The following PAM variants were observed in gnomAD, a reference collection of about 807,000 sequenced individuals.
PAM encodes peptidyl-glycine alpha-amidating monooxygenase.
In PAM, 72 loss-of-function variants were observed where a neutral mutation model predicts 122.1. The observed-to-expected ratio is 0.59, with a 90% confidence interval of 0.49 to 0.72. The LOEUF (loss-of-function observed/expected upper bound fraction) is 0.72, where lower values mean the gene tolerates loss of function less well. Among genes scored for constraint, PAM ranks in the 30% least tolerant of loss-of-function variants. PAM has a pLI of 0.00. For synonymous variants in PAM, 389 were observed against 404.4 expected (o/e 0.96, Z 0.46); for missense variants, 1,106 against 1,183.7 (o/e 0.93, Z 0.96).
chr5:103,011,778 C>A (rs1251515589), intron 21 of PAM, among the ~76,000 whole-genome samples: 1 of 152,112 alleles, frequency 6.6e-6, no homozygotes, highest in Non-Finnish European at 1.5e-5. Context: ...TGGCATATAA[C>A]CAGCAATGGG....
intron 3 of PAM, among the ~76,000 whole-genome samples, chr5:102,867,772 A>C (rs1319916152): frequency 6.6e-6 from 1 of 152,240 alleles, no homozygotes; most frequent in African/African-American, 2.4e-5. Flanking sequence ...TAGTTTGTTT[A>C]AATATCCTTT....
At chr5:102,803,146 A>AAAGAAAGGAAGGAAGG in intron 1 of PAM, among the ~76,000 whole-genome samples, 1 of 133,604 alleles carries the variant, frequency 7.5e-6, no homozygotes, top group Non-Finnish European at 1.6e-5. Flanking sequence ...AGAAAGAAAG[A>AAAGAAAGGAAGGAAGG]AAGGAAGGAA....
intron 14 of PAM, 47 bp downstream of exon 14, chr5:102,961,276 C>A (rs996855536): frequency 3.9e-6 from 4 of 1,025,664 alleles, no homozygotes; most frequent in Admixed American, 1.8e-5. Flanking sequence ...GTATCAATTT[C>A]CAAGTAGGCA....
intron 4 of PAM, among the ~76,000 whole-genome samples, chr5:102,906,759 G>A (rs1159907911): frequency 1.3e-5 from 2 of 151,714 alleles, no homozygotes; most frequent in African/African-American, 4.8e-5. Context: ...TGAGAATGAG[G>A]AGTGGATGTA....
intron 1 of PAM, among the ~76,000 whole-genome samples, chr5:102,809,363 A>G (rs1767195235): frequency 6.6e-6 from 1 of 151,834 alleles, no homozygotes; most frequent in Non-Finnish European, 1.5e-5. Context: ...AAAAAAAAAA[A>G]AAAAAAAAGA....
intron 13 of PAM, among the ~76,000 whole-genome samples, chr5:102,960,699 G>A (rs987870235): frequency 6.6e-6 from 1 of 151,786 alleles, no homozygotes; most frequent in African/African-American, 2.4e-5. Flanking sequence ...TGCAAGTTCA[G>A]TCTTAACACG....
chr5:102,924,423 A>C (rs1237366821), intron 5 of PAM, among the ~76,000 whole-genome samples: 1 of 149,438 alleles, frequency 6.7e-6, no homozygotes, highest in Non-Finnish European at 1.5e-5. Context: ...ACAAGAGTGA[A>C]ACTCCGTCTC....
At chr5:102,947,594 T>C (rs2151951533) in intron 8 of PAM, among the ~76,000 whole-genome samples, 2 of 152,244 alleles carry the variant, frequency 1.3e-5, no homozygotes, top group Admixed American at 1.3e-4. Flanking sequence ...GTTTGGGTGA[T>C]GGGTGCACCA....
chr5:102,949,665 T>TG lies in PAM; in HGVS notation c.724+50dup, dbSNP rs755937082. ...TATAAATATTTACCATTGTGCTTCC[T>TG]GGTGCCATAAATTAAAATGCAAATT... is the stretch of plus-strand genomic sequence containing the variant. On this transcript the variant is annotated intron_variant, in intron 10 of 25. Transcript: ENST00000438793. 3.9e-5 allele frequency: 37 copies of TG among 938,344 alleles called. No homozygotes were observed. In the African/African-American group the frequency reaches 5.8e-4, roughly 15 times the overall value. 58.1% of individuals were successfully genotyped at this position (938,344 alleles called of 1,614,324 possible).
chr5:102,810,934 G>A (rs768723255), intron 1 of PAM, among the ~76,000 whole-genome samples: 5 of 152,216 alleles, frequency 3.3e-5, no homozygotes, highest in African/African-American at 4.8e-5. Context: ...AGTGGTAGGA[G>A]AAGCTTGGGT....
chr5:102,994,430 C>T (rs1023053686), intron 16 of PAM, among the ~76,000 whole-genome samples: 1 of 152,168 alleles, frequency 6.6e-6, no homozygotes. Context: ...CTTATGCTGA[C>T]ATGATTTATT....
intron 14 of PAM, among the ~76,000 whole-genome samples, chr5:102,968,934 T>C (rs896649633): frequency 6.6e-6 from 1 of 152,172 alleles, no homozygotes; most frequent in Non-Finnish European, 1.5e-5. Flanking sequence ...TTCATGTCCT[T>C]TGCAGGGATA....
At chr5:102,782,609 T>G (rs1016905275) in intron 1 of PAM, among the ~76,000 whole-genome samples, 2 of 152,198 alleles carry the variant, frequency 1.3e-5, no homozygotes, top group Non-Finnish European at 2.9e-5. Context: ...TTTAGAGATA[T>G]TCCCAAAGTC....
rs767609720 is a variant in PAM at position 102,949,890 on chromosome 5, T to A, written c.725-12T>A. ...TATTATATTAAATGATTAAAATTTG[T>A]GTTTATTACAGGTAAGGTAGTAAGT... On this transcript the variant is annotated splice_polypyrimidine_tract_variant and intron_variant, in intron 10 of 25. Coordinates refer to ENST00000438793, the MANE Select transcript of PAM (RefSeq NM_001177306.2). The A allele has an allele frequency of 7.2e-7, 1 of 1,383,354 alleles. No individual in the cohort carries two copies. The highest frequency in any genetic ancestry group is 1.0e-6 in the Non-Finnish European group (1 of 976,316). The allele number at this position is 1,383,354 out of a possible 1,614,324, so 85.7% of individuals were successfully genotyped here. A position where few individuals can be genotyped will look rare whatever the true frequency, so the allele number is the denominator to read the frequency against.
chr5:102,924,629 C>T (rs1373295573), intron 5 of PAM, among the ~76,000 whole-genome samples: 3 of 151,686 alleles, frequency 2.0e-5, no homozygotes, highest in African/African-American at 7.3e-5. Flanking sequence ...TTATACAGAC[C>T]GTCTATGTAA....
intron 3 of PAM, among the ~76,000 whole-genome samples, chr5:102,881,406 A>T (rs1581262907): frequency 6.6e-6 from 1 of 152,094 alleles, no homozygotes; most frequent in Non-Finnish European, 1.5e-5. Flanking sequence ...GCAAAAATTC[A>T]AAAGAGCTAT....
chr5:102,861,504 A>C (rs1784182191), intron 1 of PAM, among the ~76,000 whole-genome samples: 1 of 150,748 alleles, frequency 6.6e-6, no homozygotes, highest in South Asian at 2.1e-4. Context: ...AGCTGAAGAC[A>C]GACTGAGAAA....
At chr5:102,867,418 A>T in intron 3 of PAM, 25 bp downstream of exon 3, 1 of 1,579,056 alleles carries the variant, frequency 6.3e-7, no homozygotes, top group East Asian at 2.2e-5. Flanking sequence ...GTCTTTCATT[A>T]TTCACTTGTT....
chr5:102,907,627 G>A (rs1799977906), intron 4 of PAM, among the ~76,000 whole-genome samples: 1 of 150,312 alleles, frequency 6.7e-6, no homozygotes, highest in African/African-American at 2.4e-5. Context: ...ATCCTCTCCA[G>A]CACCTGTTGT....
Sources: gnomAD v4.1 joint callset for allele counts (sites outside exome capture counted in the v4.1 genomes callset) on GRCh38, gnomAD v4.1.1 for gene constraint, MANE v1.5 for transcripts, NCBI Gene and HGNC (gene_info 2026-07-23, HGNC 2026-07-21) for gene names.